Variants in ARHGEF6 observed in about 807,000 individuals in gnomAD.
ARHGEF6 encodes Rac/Cdc42 guanine nucleotide exchange factor 6.
ARHGEF6 carries 9 observed loss-of-function variants against 70.3 expected under a neutral mutation model. The ratio of observed to expected loss-of-function variants is 0.13; its 90% confidence interval spans 0.08 to 0.22. The LOEUF (loss-of-function observed/expected upper bound fraction) is 0.22, where lower values mean the gene tolerates loss of function less well. ARHGEF6 is among the 10% of genes least tolerant of loss of function. ARHGEF6 has a pLI of 1.00. For synonymous variants in ARHGEF6, 201 were observed against 207.8 expected, an observed-to-expected ratio of 0.97 and a Z score of 0.28; for missense variants, 470 against 563.0, an observed-to-expected ratio of 0.83 and a Z score of 1.67.
Position 136,668,122 on chromosome X carries a change from T to G in ARHGEF6, c.2238A>C (p.Arg746Ser). The G allele has an allele frequency of 8.3e-7, 1 of 1,211,616 alleles. No individual in the cohort carries two copies. Among genetic ancestry groups the G allele is most frequent in the Non-Finnish European group, 1.1e-6 (1 of 895,302 alleles). The stretch of plus-strand genomic sequence containing the variant: ...TCCGCACCAGCTTTTCTAGGTCCCT[T>G]CTTGATTTCAGTTCTTCTTCCAGGC... ...KQCLEEELKS[R>S]RDLEKLVRRL... Residue 746 changes from arginine to serine, a missense_variant, in exon 22 of 22, where the codon AGA becomes AGC. Around this residue, in one of 3 missense-constraint regions of ARHGEF6, gnomAD observed 88 missense variants for 95.5 expected, o/e 0.92. Coordinates refer to ENST00000250617, the MANE Select transcript of ARHGEF6 (RefSeq NM_004840.3).
At chrX:136,731,733 C>A (rs2076937071) in intron 6 of ARHGEF6, among the ~76,000 whole-genome samples, 1 of 111,788 alleles carries the variant, frequency 8.9e-6, no homozygotes, top group Non-Finnish European at 1.9e-5. Flanking sequence ...AAAATGCAAC[C>A]ACTTAAAATT....
intron 5 of ARHGEF6, among the ~76,000 whole-genome samples, chrX:136,739,210 C>T (rs187069931): frequency 2.7e-5 from 3 of 112,191 alleles, no homozygotes; most frequent in African/African-American, 6.5e-5. Flanking sequence ...CTTCTTCTCC[C>T]AGTCAGAAGC....
At chrX:136,669,317 A>G (rs1430730232) in intron 21 of ARHGEF6, among the ~76,000 whole-genome samples, 165 bp downstream of exon 21, 1 of 112,070 alleles carries the variant, frequency 8.9e-6, no homozygotes, top group East Asian at 2.8e-4. Flanking sequence ...TTTAAATTCA[A>G]GGCTTACATG....
At position 136,666,349 on chromosome X, in the gene ARHGEF6, C is replaced by A. The variant is rs1422310095; in HGVS notation, c.*1680G>T. 1 of 111,966 alleles carries A rather than the reference C, an allele frequency of 8.9e-6. No individual in the cohort carries two copies. The highest frequency in any genetic ancestry group is 3.3e-5 in the African/African-American group (1 of 30,760). The allele number at this position is 111,966 out of a possible 1,213,427, so 9.2% of individuals were successfully genotyped here. On this transcript the variant is annotated 3_prime_UTR_variant, in exon 22 of 22. Coordinates refer to ENST00000250617, the MANE Select transcript of ARHGEF6 (RefSeq NM_004840.3). ...GGGCTCCTCAGCAAGCTGGGGGTTTCAAACTTCAAGTTTTGTTTTTTCAGA... is the reference window on the plus strand; with the variant it reads ...GGGCTCCTCAGCAAGCTGGGGGTTTAAAACTTCAAGTTTTGTTTTTTCAGA...
Position 136,745,336 on chromosome X carries a change from C to G in ARHGEF6, c.346G>C (p.Glu116Gln), listed in dbSNP as rs754597402. 46 of 1,209,787 alleles carry G rather than the reference C, an allele frequency of 3.8e-5. No homozygotes were observed. The highest frequency in any genetic ancestry group is 4.5e-5 in the Non-Finnish European group (40 of 895,031). The change falls in exon 4 of 22, where the codon GAA becomes CAA. Residue 116 changes from glutamate to glutamine, a missense_variant. Glu to Gln is a conservative substitution (Grantham distance 29, BLOSUM62 2). Around this residue, in one of 3 missense-constraint regions of ARHGEF6, gnomAD observed 379 missense variants for 449.3 expected, o/e 0.84. Coordinates refer to ENST00000250617, the MANE Select transcript of ARHGEF6 (RefSeq NM_004840.3). ...GAAGAGGAACGTCCACATGGTCTTT[C>G]TGATAGCTGATCTGTGAAAAGAGGA... ...VNKATEDQLS[E>Q]RPCGRSSSLS...
intron 19 of ARHGEF6, among the ~76,000 whole-genome samples, chrX:136,673,693 T>C (rs1200770915): frequency 2.7e-5 from 3 of 111,243 alleles, no homozygotes; most frequent in Admixed American, 1.9e-4. Context: ...TCCTGGCTCC[T>C]TGAAACATGT....
intron 9 of ARHGEF6, among the ~76,000 whole-genome samples, chrX:136,699,220 A>C (rs1254187610): frequency 9.0e-6 from 1 of 111,406 alleles, no homozygotes; most frequent in Non-Finnish European, 1.9e-5. Context: ...TAATAATAAT[A>C]ACAAAAAGGG....
Position 136,701,542 on chromosome X carries a change from G to A in ARHGEF6, c.1046+5366C>T, listed in dbSNP as rs192934295. 8.1e-4 allele frequency among the ~76,000 whole-genome samples: 90 copies of A among 110,908 alleles called. 2 individuals carry two copies. Among genetic ancestry groups the A allele is most frequent in the African/African-American group, 2.9e-3 (88 of 30,542 alleles). On this transcript the variant is annotated intron_variant, in intron 9 of 21. Transcript: ENST00000250617. ...ACTTTCTCAAACAAACAAAAAATGT[G>A]GGAAATTGTGGCCAGATGACTTGCC...
intron 2 of ARHGEF6, among the ~76,000 whole-genome samples, chrX:136,764,685 C>T (rs955432335): frequency 9.0e-6 from 1 of 111,537 alleles, no homozygotes; most frequent in Non-Finnish European, 1.9e-5. Context: ...GGCACCAATC[C>T]TGTTCTGTTT....
intron 9 of ARHGEF6, 148 bp from the exon 10 acceptor site, chrX:136,690,896 C>T (rs2076451524): frequency 4.5e-6 from 3 of 663,915 alleles, no homozygotes; most frequent in African/African-American, 4.4e-5. Flanking sequence ...TTTGTTTTGG[C>T]TCAACTAAAT....
intron 6 of ARHGEF6, among the ~76,000 whole-genome samples, chrX:136,716,198 C>T (rs2076735420): frequency 8.9e-6 from 1 of 112,946 alleles, no homozygotes; most frequent in Non-Finnish European, 1.9e-5. Flanking sequence ...GCCTTGGCCT[C>T]CCAAAGTGCT....
intron 6 of ARHGEF6, among the ~76,000 whole-genome samples, chrX:136,723,589 A>G (rs1351875590): frequency 8.9e-6 from 1 of 112,015 alleles, no homozygotes; most frequent in Non-Finnish European, 1.9e-5. Context: ...TATTAAGTAA[A>G]AAGGAGGAGG....
chrX:136,750,246 G>GA (rs762327429), intron 2 of ARHGEF6, among the ~76,000 whole-genome samples: 1 of 112,304 alleles, frequency 8.9e-6, no homozygotes, highest in Non-Finnish European at 1.9e-5. Flanking sequence ...CCAAAATAGA[G>GA]AACCAATTCC....
rs769194565 is a variant in ARHGEF6, at chrX:136,732,213, G to A, written c.662-41C>T. 14 of 1,027,828 alleles carry A rather than the reference G, an allele frequency of 1.4e-5. No individual in the cohort carries two copies. The South Asian group carries it at 2.4e-4, about 17-fold the overall frequency. The allele number at this position is 1,027,828 out of a possible 1,213,427, so 84.7% of individuals were successfully genotyped here. ...TTAAATTATGTTAATATCACAGAAG[G>A]CTATGATGAACATTTTATAACATGG... On this transcript the variant is annotated intron_variant, in intron 5 of 21. Transcript: ENST00000250617.
intron 9 of ARHGEF6, among the ~76,000 whole-genome samples, chrX:136,703,960 C>T (rs1416667840): frequency 8.9e-6 from 1 of 112,844 alleles, no homozygotes; most frequent in Non-Finnish European, 1.9e-5. Context: ...TGACTCACTT[C>T]ATTGCAATAT....
chrX:136,690,492 T>C (rs2148593748), intron 10 of ARHGEF6, 118 bp downstream of exon 10: 3 of 840,636 alleles, frequency 3.6e-6, no homozygotes, highest in Non-Finnish European at 5.1e-6. Flanking sequence ...ATAAAGTAAA[T>C]TTTGAATCCA....
chrX:136,694,578 C>T (rs1400723907), intron 9 of ARHGEF6, among the ~76,000 whole-genome samples: 1 of 111,732 alleles, frequency 8.9e-6, no homozygotes, highest in South Asian at 3.7e-4. Context: ...ACAGCAGAGA[C>T]GGAAGTGAGG....
At chrX:136,686,619 T>TATATATATATAC (rs2076394345) in intron 11 of ARHGEF6, among the ~76,000 whole-genome samples, 1 of 73,070 alleles carries the variant, frequency 1.4e-5, no homozygotes, top group Admixed American at 1.5e-4. Flanking sequence ...TATATATATA[T>TATATATATATAC]ATACACATAT....
In ARHGEF6 at chrX:136,745,262, A is replaced by G; in HGVS notation, c.420T>C (p.Ser140=). 8.3e-7 allele frequency: 1 copy of G among 1,211,957 alleles called. No homozygotes were observed. The change falls in exon 4 of 22, where the codon TCT becomes TCC. Residue 140 remains serine, a synonymous_variant. Coordinates refer to ENST00000250617, the MANE Select transcript of ARHGEF6 (RefSeq NM_004840.3). The part of the protein sequence containing the change: ...TSQTNPQGAV[S]STVSGLQRQS... ...GCCTTTGCAGCCCTGAAACTGTGCT[A>G]GAAACTGCTCCCTGTGGGTTTGTCT...
Sources: gnomAD v4.1 joint callset for allele counts (sites outside exome capture counted in the v4.1 genomes callset) on GRCh38, gnomAD v4.1.1 for gene constraint, gnomAD v4.1.1 regional missense constraint, MANE v1.5 for transcripts, NCBI Gene and HGNC (gene_info 2026-07-23, HGNC 2026-07-21) for gene names.